PPM1B: variants seen among roughly 807,000 people sequenced by gnomAD.
PPM1B encodes the protein protein phosphatase 1B.
In PPM1B, 22 loss-of-function variants were observed where a neutral mutation model predicts 43.0. The ratio of observed to expected loss-of-function variants is 0.51; its 90% CI spans 0.37 to 0.73. The LOEUF (loss-of-function observed/expected upper bound fraction) is 0.73. Ranked by LOEUF, PPM1B falls within the 30% of genes least tolerant of loss-of-function variation. The pLI, the probability that PPM1B is intolerant of heterozygous loss-of-function variation, is 0.00. For synonymous variants in PPM1B, 217 were observed against 197.9 expected (o/e 1.10, Z -0.81); for missense variants, 632 against 584.2 (o/e 1.08, Z -0.84).
intron 3 of PPM1B, among the ~76,000 whole-genome samples, chr2:44,213,525 T>C (rs1161050545): frequency 6.6e-6 from 1 of 152,202 alleles, no homozygotes; most frequent in Non-Finnish European, 1.5e-5. Flanking sequence ...ATTTCTAATA[T>C]GTAATTACAA....
At position 44,201,719 on chromosome 2, in the gene PPM1B, C is replaced by A; in HGVS notation, c.520C>A (p.Pro174Thr). 2.5e-6 allele frequency: 4 copies of A among 1,614,126 alleles called. No individual in the cohort carries two copies. The highest frequency in any genetic ancestry group is 3.4e-6 in the Non-Finnish European group (4 of 1,180,022). The change falls in exon 2 of 6, where the codon CCA becomes ACA. Residue 174 changes from proline (P) to threonine (T), a missense_variant. Around this residue, in one of 3 missense-constraint regions of PPM1B, gnomAD observed 40 missense variants for 80.8 expected, o/e 0.50. Coordinates refer to ENST00000282412, the MANE Select transcript of PPM1B (RefSeq NM_002706.6). The surrounding 1 kb of genome is among the most constrained non-coding windows in gnomAD (Gnocchi z 5.4). ...FSTQDHKPCN[P>T]REKERIQNAG... ...TACCCAGGATCACAAACCTTGCAAT[C>A]CAAGGGAAAAGGAGCGAATCCAAAA...
At chr2:44,233,038 C>A, downstream of PPM1B, 14 of 982,972 alleles carry the variant, frequency 1.4e-5, no homozygotes, top group Non-Finnish European at 1.6e-5. Context: ...CTTTTGAAAC[C>A]AAATGGATTA....
intron 1 of PPM1B, among the ~76,000 whole-genome samples, chr2:44,178,452 GTATATA>G (rs1553326413): frequency 7.4e-6 from 1 of 135,700 alleles, no homozygotes; most frequent in Non-Finnish European, 1.5e-5. Flanking sequence ...TTTTATATAT[GTATATA>G]TATATATATA....
At position 44,223,843 on chromosome 2, in the gene PPM1B, A is replaced by AAG. The variant is rs1462725669; in HGVS notation, c.1134+5320_1134+5321dup. Among the ~76,000 whole-genome samples, 200 of 132,686 alleles carry AAG rather than the reference A, an allele frequency of 1.5e-3. 2 individuals are homozygous for AAG. Among genetic ancestry groups the AAG allele is most frequent in the African/African-American group, 4.2e-3 (132 of 31,076 alleles). 87.0% of individuals were successfully genotyped at this position (132,686 alleles called of 152,430 possible). A position where few individuals can be genotyped will look rare whatever the true frequency, so the allele number is the denominator to read the frequency against. On this transcript the variant is annotated intron_variant, in intron 5 of 5. Coordinates refer to ENST00000282412, the MANE Select transcript of PPM1B (RefSeq NM_002706.6). ...AAAAAAAAAAAAAAAAAAAAAAAAA[A>AAG]AGAGAGAGAGAGAGAAAATGCACTA...
intron 3 of PPM1B, among the ~76,000 whole-genome samples, chr2:44,209,867 C>A (rs1019804375): frequency 1.3e-5 from 2 of 151,868 alleles, no homozygotes; most frequent in African/African-American, 4.8e-5. Flanking sequence ...AATTTACTGT[C>A]TTGGACCAAT....
intron 5 of PPM1B, among the ~76,000 whole-genome samples, chr2:44,228,073 C>T (rs527864579): frequency 5.3e-5 from 8 of 151,648 alleles, no homozygotes; most frequent in African/African-American, 1.9e-4. Flanking sequence ...CAGGCACTTG[C>T]CACTGCGTGC....
At chr2:44,183,245 C>T (rs762196616) in intron 1 of PPM1B, among the ~76,000 whole-genome samples, 30 of 152,208 alleles carry the variant, frequency 2.0e-4, no homozygotes, top group Admixed American at 5.9e-4. Flanking sequence ...GCTGTGACCA[C>T]CACTACCATC....
At chr2:44,171,450 A>C (rs1316485001) in intron 1 of PPM1B, among the ~76,000 whole-genome samples, 1 of 152,210 alleles carries the variant, frequency 6.6e-6, no homozygotes, top group Non-Finnish European at 1.5e-5. Context: ...TTTTGAATTA[A>C]AATATGATGC....
chr2:44,183,313 A>G (rs866935328), intron 1 of PPM1B, among the ~76,000 whole-genome samples: 2 of 152,226 alleles, frequency 1.3e-5, no homozygotes, highest in African/African-American at 4.8e-5. Flanking sequence ...GCCAAGTGAC[A>G]TTCGATGAAA....
At chr2:44,209,140 AG>A in intron 2 of PPM1B, 69 bp from the exon 3 acceptor site, 1 of 1,292,088 alleles carries the variant, frequency 7.7e-7, no homozygotes, top group Non-Finnish European at 1.1e-6. Context: ...AATTGCTTAA[AG>A]TATTTTGAAG....
downstream of PPM1B, among the ~76,000 whole-genome samples, chr2:44,231,870 T>A (rs975543828): frequency 1.3e-5 from 2 of 152,202 alleles, no homozygotes; most frequent in African/African-American, 4.8e-5. Flanking sequence ...AAGGGATTTT[T>A]AAATTATAGA....
At chr2:44,213,859 G>T (rs1377361745) in intron 3 of PPM1B, 3 of 152,142 alleles carry the variant, frequency 2.0e-5, no homozygotes, top group African/African-American at 7.2e-5. Flanking sequence ...ATGATAAATT[G>T]TAGTATATTG....
At chr2:44,212,039 C>T (rs934408552) in intron 3 of PPM1B, among the ~76,000 whole-genome samples, 6 of 152,040 alleles carry the variant, frequency 3.9e-5, no homozygotes, top group South Asian at 2.1e-4. Flanking sequence ...CGTGAATCAC[C>T]GCGCCTGGTT....
At chr2:44,235,492 A>T (rs1227288754), downstream of PPM1B, among the ~76,000 whole-genome samples, 1 of 151,086 alleles carries the variant, frequency 6.6e-6, no homozygotes, top group Non-Finnish European at 1.5e-5. Flanking sequence ...AATCCCAGCT[A>T]CTCGGGAGGC....
chr2:44,174,798 T>A (rs764904567), intron 1 of PPM1B, among the ~76,000 whole-genome samples: 2 of 152,236 alleles, frequency 1.3e-5, no homozygotes, highest in Non-Finnish European at 2.9e-5. Flanking sequence ...AAGGGCTGGT[T>A]ACTGGATGTT....
At chr2:44,229,346 A>G (rs1670367861) in intron 5 of PPM1B, among the ~76,000 whole-genome samples, 1 of 152,190 alleles carries the variant, frequency 6.6e-6, no homozygotes, top group Admixed American at 6.5e-5. Context: ...AAATTTCCCT[A>G]GTTGTCACTA....
chr2:44,212,420 G>T (rs1309936429), intron 3 of PPM1B, among the ~76,000 whole-genome samples: 1 of 152,090 alleles, frequency 6.6e-6, no homozygotes, highest in African/African-American at 2.4e-5. Context: ...GCTTACTGTG[G>T]TTAGGCATGA....
chr2:44,234,601 T>C (rs191968216), downstream of PPM1B: 1 of 985,080 alleles, frequency 1.0e-6, no homozygotes, highest in Admixed American at 6.2e-5. Flanking sequence ...AAATAATGTA[T>C]GAGTTAGTAA....
At chr2:44,211,009 G>T (rs1669438767) in intron 3 of PPM1B, among the ~76,000 whole-genome samples, 1 of 152,068 alleles carries the variant, frequency 6.6e-6, no homozygotes, top group Admixed American at 6.6e-5. Context: ...GGTGGCAGGT[G>T]CCTGTAATCC....
Sources: allele counts gnomAD v4.1 joint callset (sites outside exome capture counted in the v4.1 genomes callset), GRCh38; gene constraint gnomAD v4.1.1; regional missense constraint gnomAD v4.1.1; non-coding constraint Gnocchi (gnomAD v3.1); transcripts MANE v1.5; gene names NCBI Gene and HGNC (gene_info 2026-07-23, HGNC 2026-07-21).